Variants in CENPN observed in about 807,000 individuals in gnomAD.
The protein encoded by CENPN is centromere protein N, also known as interphase centromere complex protein 32.
Under a neutral mutation model 48.6 loss-of-function variants are expected in CENPN, and 36 were observed. The ratio of observed to expected loss-of-function variants is 0.74; its 90% confidence interval spans 0.57 to 0.98. The LOEUF is 0.98. Among genes scored for constraint, CENPN ranks in the 50% least tolerant of loss-of-function variants. The pLI is 0.00. For missense variants in CENPN, 439 were observed against 399.2 expected, an observed-to-expected ratio of 1.10 and a Z score of -0.85; for synonymous variants, 166 against 135.2, an observed-to-expected ratio of 1.23 and a Z score of -1.58.
intron 3 of CENPN, chr16:81,017,083 CAT>C (rs1422537375): frequency 8.4e-6 from 3 of 355,792 alleles, no homozygotes. Context: ...AATGGGCTAA[CAT>C]AGAATAAATA....
At chr16:81,020,407 C>T (rs1970129114) in intron 6 of CENPN, 131 bp downstream of exon 6, 1 of 882,004 alleles carries the variant, frequency 1.1e-6, no homozygotes, top group Non-Finnish European at 1.6e-6. Context: ...CCTGTGGTCC[C>T]AGCTACTTGG....
chr16:81,032,459 C>T, downstream of CENPN: 2 of 1,110,472 alleles, frequency 1.8e-6, no homozygotes, highest in Non-Finnish European at 2.6e-6. Flanking sequence ...GTTGGGGAAT[C>T]ATCACTCTGA....
At chr16:81,028,500 T>C (rs1444758729) in intron 10 of CENPN, 69 bp from the exon 11 acceptor site, 5 of 1,581,232 alleles carry the variant, frequency 3.2e-6, no homozygotes, top group Non-Finnish European at 4.3e-6. Flanking sequence ...ATTTTTAAAC[T>C]GACTCAAATC....
At chr16:81,015,027 TATA>T (rs2151681566) in intron 3 of CENPN, among the ~76,000 whole-genome samples, 1 of 152,344 alleles carries the variant, frequency 6.6e-6, no homozygotes, top group South Asian at 2.1e-4. Flanking sequence ...TAAGCTAAGA[TATA>T]TGAAGGTTAG....
rs754911257 is a variant in CENPN, at chr16:81,022,679, T to C, written c.614T>C (p.Val205Ala). The stretch of plus-strand genomic sequence containing the variant: ...TATCTGGACTCTCTTAAGGCTATTG[T>C]TTTTAAACAGTATAATCAGGTGAGC... ...SRYLDSLKAI[V>A]FKQYNQTFET... The change falls in exon 7 of 11, where the codon GTT (valine) becomes GCT (alanine). Residue 205 changes from valine (V) to alanine (A), a missense_variant. Val to Ala is a moderately conservative substitution (Grantham distance 64, BLOSUM62 0). Coordinates refer to ENST00000305850, the MANE Select transcript of CENPN (RefSeq NM_001100624.3). 1.9e-6 allele frequency: 3 copies of C among 1,614,090 alleles called. No individual in the cohort carries two copies. In the Admixed American group the frequency reaches 5.0e-5, roughly 27 times the overall value.
Position 81,030,118 on chromosome 16 carries a change from C to A in CENPN, c.*1467C>A. Reference sequence around the variant, plus strand: ...AGTATGGGGGAAATCGTTCCCATGACTCAAGTATCTCCACCTGGCCCTGCC... The same window carrying A: ...AGTATGGGGGAAATCGTTCCCATGAATCAAGTATCTCCACCTGGCCCTGCC... On this transcript the variant is annotated 3_prime_UTR_variant, in exon 11 of 11. Coordinates refer to ENST00000305850, the MANE Select transcript of CENPN (RefSeq NM_001100624.3). 1.3e-6 allele frequency: 1 copy of A among 776,536 alleles called. No homozygotes were observed. Among genetic ancestry groups the A allele is most frequent in the African/African-American group, 1.9e-5 (1 of 52,990 alleles). 48.1% of individuals were successfully genotyped at this position (776,536 alleles called of 1,614,324 possible).
Position 81,013,739 on chromosome 16 carries a change from C to T in CENPN, c.172-397C>T, listed in dbSNP as rs143137213. 1.5e-3 allele frequency among the ~76,000 whole-genome samples: 220 copies of T among 151,700 alleles called. 1 individual carries two copies. Among genetic ancestry groups the T allele is most frequent in the African/African-American group, 5.2e-3 (214 of 41,410 alleles). On this transcript the variant is annotated intron_variant, in intron 2 of 10. Transcript: ENST00000305850. ...CTGTCTCCAAAAAAAAAAAGAGACA[C>T]GAGAAAATCTGGGAGGCAGTGCTGG...
chr16:81,012,084 G>C lies in CENPN; in HGVS notation c.145G>C (p.Val49Leu). Reference sequence around the variant, plus strand: ...TTTCCGACAGAGAAAGGAATCTGTAGTTCAGCACTTGATCCATCTGTGTGA... The same window carrying C: ...TTTCCGACAGAGAAAGGAATCTGTACTTCAGCACTTGATCCATCTGTGTGA... ...VNFRQRKESVVQHLIHLCEEK... is the reference protein window; with the variant it reads ...VNFRQRKESVLQHLIHLCEEK... The change falls in exon 2 of 11, where the codon GTT becomes CTT. Residue 49 changes from valine (V) to leucine (L), a missense_variant. Physicochemically the swap from Val to Leu is conservative, Grantham distance 32. Coordinates refer to ENST00000305850, the MANE Select transcript of CENPN (RefSeq NM_001100624.3). 1 of 1,614,122 alleles carries C rather than the reference G, an allele frequency of 6.2e-7. No individual in the cohort carries two copies. The highest frequency in any genetic ancestry group is 8.5e-7 in the Non-Finnish European group (1 of 1,180,016).
intron 9 of CENPN, among the ~76,000 whole-genome samples, chr16:81,027,293 C>T (rs954870355): frequency 3.3e-5 from 5 of 152,084 alleles, no homozygotes; most frequent in African/African-American, 1.2e-4. Context: ...GAGACTGAGA[C>T]CAGCCTGGGC....
chr16:81,019,511 C>T (rs1220783422), intron 5 of CENPN, among the ~76,000 whole-genome samples: 1 of 152,100 alleles, frequency 6.6e-6, no homozygotes, highest in Non-Finnish European at 1.5e-5. Flanking sequence ...AGCCACAACA[C>T]CCAGCCTAAT....
intron 1 of CENPN, among the ~76,000 whole-genome samples, chr16:81,007,749 C>A (rs539668651): frequency 5.3e-5 from 8 of 152,268 alleles, no homozygotes; most frequent in African/African-American, 1.9e-4. Flanking sequence ...TTTGATCATG[C>A]GTTCCACAGA....
At chr16:81,026,664 T>G (rs1411027273) in intron 9 of CENPN, 26 bp downstream of exon 9, 3 of 1,139,626 alleles carry the variant, frequency 2.6e-6, no homozygotes, top group Middle Eastern at 2.1e-4. Context: ...AAATATTAAG[T>G]ACAAGATATC....
chr16:81,030,190 G>C lies in CENPN; in HGVS notation c.*1539G>C. 1 of 985,428 alleles carries C rather than the reference G, an allele frequency of 1.0e-6. No individual in the cohort carries two copies. The highest frequency in any genetic ancestry group is 1.2e-6 in the Non-Finnish European group (1 of 829,896). The allele number at this position is 985,428 out of a possible 1,614,324, so 61.0% of individuals were successfully genotyped here. A position where few individuals can be genotyped will look rare whatever the true frequency, so the allele number is the denominator to read the frequency against. ...CAATTCAAGGTGACACTTGTGTGGA[G>C]ACACAGCCAAACCATATCACAGGCA... On this transcript the variant is annotated 3_prime_UTR_variant, in exon 11 of 11. Transcript: ENST00000305850.
At chr16:81,018,402 A>G (rs983114029) in intron 5 of CENPN, among the ~76,000 whole-genome samples, 1 of 151,926 alleles carries the variant, frequency 6.6e-6, no homozygotes, top group African/African-American at 2.4e-5. Context: ...TCGAACTCCT[A>G]ACCTCAGATG....
Position 81,030,282 on chromosome 16 carries a change from G to C in CENPN, c.*1631G>C, listed in dbSNP as rs569591723. On this transcript the variant is annotated 3_prime_UTR_variant, in exon 11 of 11. Transcript: ENST00000305850. ...AAAATCTATTCTTTATCTTGTTTCA[G>C]AGAGGATTTGGAGTTACAGAAACAC... 6 of 985,438 alleles carry C rather than the reference G, an allele frequency of 6.1e-6. No homozygotes were observed. In the Admixed American group the frequency reaches 3.7e-4, roughly 60 times the overall value. 61.0% of individuals were successfully genotyped at this position (985,438 alleles called of 1,614,324 possible).
At chr16:81,016,627 G>C (rs138031191) in intron 3 of CENPN, among the ~76,000 whole-genome samples, 89 of 152,264 alleles carry the variant, frequency 5.8e-4, no homozygotes, top group African/African-American at 2.1e-3. Flanking sequence ...GCCAGGCGTT[G>C]TGGCAGGCAT....
intron 6 of CENPN, 88 bp downstream of exon 6, chr16:81,020,364 T>G (rs765105851): frequency 1.5e-6 from 2 of 1,291,132 alleles, no homozygotes; most frequent in East Asian, 2.6e-5. Context: ...AAGTATTTGA[T>G]AGAGAATACT....
chr16:81,028,187 A>G lies in CENPN; in HGVS notation c.827A>G (p.Lys276Arg), dbSNP rs1485482522. ...FAQYKLETKF[K>R]SGLNGSILAE... ...TGTTGACAGCTTGAAACGAAATTCA[A>G]AAGTGGTTTAAATGGGAGCATCTTG... Residue 276 changes from lysine to arginine, a missense_variant, in exon 10 of 11, where the codon AAA (lysine) becomes AGA (arginine). Coordinates refer to ENST00000305850, the MANE Select transcript of CENPN (RefSeq NM_001100624.3). 1 of 1,611,848 alleles carries G rather than the reference A, an allele frequency of 6.2e-7. No individual in the cohort carries two copies. The highest frequency in any genetic ancestry group is 1.7e-5 in the Admixed American group (1 of 59,990).
chr16:81,018,979 C>G (rs1294372670), intron 5 of CENPN, among the ~76,000 whole-genome samples: 1 of 152,152 alleles, frequency 6.6e-6, no homozygotes, highest in Non-Finnish European at 1.5e-5. Context: ...CTATTAAATT[C>G]CAGACCAATT....
Sources: allele counts gnomAD v4.1 joint callset (sites outside exome capture counted in the v4.1 genomes callset), GRCh38; gene constraint gnomAD v4.1.1; transcripts MANE v1.5; gene names NCBI Gene and HGNC (gene_info 2026-07-23, HGNC 2026-07-21).